Variants in RBMS3 observed in about 807,000 individuals in gnomAD.
RBMS3 encodes RNA binding motif single stranded interacting protein 3.
RBMS3 carries 27 observed loss-of-function variants against 66.8 expected under a neutral mutation model. The observed-to-expected ratio is 0.40, with a 90% CI of 0.30 to 0.56. The LOEUF (loss-of-function observed/expected upper bound fraction) is 0.56. Among genes scored for constraint, RBMS3 ranks in the 20% least tolerant of loss-of-function variants. RBMS3 has a pLI of 0.40. For missense variants in RBMS3, 513 were observed against 549.5 expected (o/e 0.93, Z 0.66); for synonymous variants, 188 against 183.0 (o/e 1.03, Z -0.22).
intron 10 of RBMS3, among the ~76,000 whole-genome samples, chr3:29,935,204 G>A (rs926591386): frequency 6.6e-6 from 1 of 152,030 alleles, no homozygotes; most frequent in Non-Finnish European, 1.5e-5. Context: ...AAGGAAAGTA[G>A]CAGGGTAGAG....
At position 29,800,606 on chromosome 3, in the gene RBMS3, CAT is replaced by C. The variant is rs578099462; in HGVS notation, c.637+37620_637+37621del. 3.2e-4 allele frequency among the ~76,000 whole-genome samples: 49 copies of C among 152,298 alleles called. 1 individual carries two copies. In the South Asian group the frequency reaches 9.7e-3, roughly 30 times the overall value. On this transcript the variant is annotated intron_variant, in intron 6 of 14. Transcript: ENST00000383767. ...TATGTACAAGAACTATGCTATTACA[CAT>C]ATTTTTATATTAATAACTAATCATA...
intron 2 of RBMS3, among the ~76,000 whole-genome samples, chr3:29,478,976 G>T (rs1395099857): frequency 1.3e-5 from 2 of 152,114 alleles, no homozygotes; most frequent in Non-Finnish European, 2.9e-5. Context: ...CCTTACACAT[G>T]TTTTTTTGTG....
chr3:29,708,212 TG>T (rs1184221695), intron 4 of RBMS3, among the ~76,000 whole-genome samples: 1 of 152,230 alleles, frequency 6.6e-6, no homozygotes, highest in Admixed American at 6.5e-5. Flanking sequence ...GCTTTAGAAT[TG>T]AAAAGGCAAG....
chr3:29,729,197 T>C (rs1167945260), intron 4 of RBMS3, among the ~76,000 whole-genome samples: 2 of 132,440 alleles, frequency 1.5e-5, no homozygotes, highest in Non-Finnish European at 3.1e-5. Flanking sequence ...TGTGTCCAAG[T>C]GATCTCATTG....
chr3:29,589,698 T>A (rs569905269), intron 4 of RBMS3, among the ~76,000 whole-genome samples: 1 of 152,228 alleles, frequency 6.6e-6, no homozygotes, highest in African/African-American at 2.4e-5. Context: ...TATTATTTAT[T>A]ATCATATAAA....
Position 29,335,377 on chromosome 3 carries a change from A to G in RBMS3, c.75+53621A>G, listed in dbSNP as rs79086204. Among the ~76,000 whole-genome samples, 364 of 152,328 alleles carry G rather than the reference A, an allele frequency of 2.4e-3. 3 individuals carry two copies. The highest frequency in any genetic ancestry group is 8.3e-3 in the African/African-American group (344 of 41,576). ...GTTGGTGCAAGCAGTGAGATAATAA[A>G]TTAGCAGAAATTATGCATATAGTCC... is the stretch of plus-strand genomic sequence containing the variant. On this transcript the variant is annotated intron_variant, in intron 1 of 14. Coordinates refer to ENST00000383767, the MANE Select transcript of RBMS3 (RefSeq NM_001003793.3).
chr3:29,384,432 TAATAAGAAG>T (rs895006975), intron 1 of RBMS3, among the ~76,000 whole-genome samples: 11 of 99,362 alleles, frequency 1.1e-4, no homozygotes, highest in East Asian at 5.2e-4. Context: ...ATAATAATAA[TAATAAGAAG>T]AAGAAGAAGA....
At chr3:29,935,672 A>G (rs2061247975) in intron 10 of RBMS3, among the ~76,000 whole-genome samples, 1 of 152,138 alleles carries the variant, frequency 6.6e-6, no homozygotes, top group Non-Finnish European at 1.5e-5. Context: ...GTATGTATTA[A>G]TAAGTAATAG....
intron 4 of RBMS3, among the ~76,000 whole-genome samples, chr3:29,610,888 T>C (rs976620707): frequency 7.9e-5 from 12 of 152,072 alleles, no homozygotes; most frequent in Non-Finnish European, 1.5e-4. Context: ...CACACATATT[T>C]TCTACCACAG....
At chr3:29,434,291 A>G (rs1015992565) in intron 1 of RBMS3, among the ~76,000 whole-genome samples, 3 of 152,226 alleles carry the variant, frequency 2.0e-5, no homozygotes, top group Non-Finnish European at 4.4e-5. Flanking sequence ...AATGTTGAGG[A>G]AAACAATAGG....
intron 3 of RBMS3, among the ~76,000 whole-genome samples, chr3:29,522,155 A>G (rs2044884819): frequency 6.6e-6 from 1 of 152,192 alleles, no homozygotes; most frequent in Non-Finnish European, 1.5e-5. Context: ...GGAGCAATCC[A>G]GAGGTTAGGA....
At chr3:29,283,076 G>T (rs547540076) in intron 1 of RBMS3, among the ~76,000 whole-genome samples, 1 of 152,046 alleles carries the variant, frequency 6.6e-6, no homozygotes, top group African/African-American at 2.4e-5. Flanking sequence ...TAACTCTTTG[G>T]GGGTGTTAGG....
At chr3:29,877,503 T>A (rs1233968838) in intron 7 of RBMS3, among the ~76,000 whole-genome samples, 1 of 152,252 alleles carries the variant, frequency 6.6e-6, no homozygotes, top group Non-Finnish European at 1.5e-5. Flanking sequence ...CACAGGTTGC[T>A]TGCAGCCTTT....
chr3:29,842,139 A>C (rs2058676335), intron 6 of RBMS3, among the ~76,000 whole-genome samples: 1 of 152,122 alleles, frequency 6.6e-6, no homozygotes, highest in Non-Finnish European at 1.5e-5. Context: ...GAGGTTCCTA[A>C]GTTAAAAGAT....
intron 3 of RBMS3, among the ~76,000 whole-genome samples, chr3:29,565,971 C>A (rs2046727687): frequency 6.6e-6 from 1 of 151,954 alleles, no homozygotes; most frequent in South Asian, 2.1e-4. Flanking sequence ...ATAAGAGAGG[C>A]AAGGAATTGT....
At chr3:30,000,549 A>G (rs1388646697) in intron 14 of RBMS3, among the ~76,000 whole-genome samples, 2 of 152,190 alleles carry the variant, frequency 1.3e-5, no homozygotes, top group Non-Finnish European at 2.9e-5. Context: ...GTATATACCC[A>G]AAGGATTATA....
At chr3:29,745,870 ATTTAAG>A (rs2054869292) in intron 5 of RBMS3, among the ~76,000 whole-genome samples, 1 of 149,358 alleles carries the variant, frequency 6.7e-6, no homozygotes, top group African/African-American at 2.5e-5. Context: ...TAAATAAATA[ATTTAAG>A]TTTTTCTTTC....
intron 2 of RBMS3, among the ~76,000 whole-genome samples, chr3:29,456,447 A>G (rs931187581): frequency 3.9e-5 from 6 of 152,224 alleles, no homozygotes; most frequent in African/African-American, 1.2e-4. Flanking sequence ...AGCTTGGCTC[A>G]GAATAGAATA....
chr3:29,411,602 C>CAGAG (rs138023954), intron 1 of RBMS3, among the ~76,000 whole-genome samples: 1 of 151,556 alleles, frequency 6.6e-6, no homozygotes, highest in African/African-American at 2.4e-5. Flanking sequence ...AGTGTCTTGC[C>CAGAG]AGAGAGAGAG....
Sources: gnomAD v4.1 joint callset for allele counts (sites outside exome capture counted in the v4.1 genomes callset) on GRCh38, gnomAD v4.1.1 for gene constraint, MANE v1.5 for transcripts, NCBI Gene and HGNC (gene_info 2026-07-23, HGNC 2026-07-21) for gene names.